The following DOCK2 variants were observed in gnomAD, a reference collection of about 807,000 sequenced individuals.
DOCK2 encodes dedicator of cytokinesis protein 2.
A neutral mutation model predicts 248.9 loss-of-function variants in DOCK2; 87 were observed. That is an observed-to-expected ratio of 0.35 (90% CI 0.29 to 0.42). The LOEUF is 0.42. Ranked by LOEUF, DOCK2 falls within the 10% of genes least tolerant of loss-of-function variation. The pLI is 1.00. For missense variants in DOCK2, 1,747 were observed against 2,300.2 expected, an observed-to-expected ratio of 0.76 and a Z score of 4.92; for synonymous variants, 805 against 821.6, an observed-to-expected ratio of 0.98 and a Z score of 0.35.
At chr5:169,957,868 T>C (rs1013164022) in intron 27 of DOCK2, among the ~76,000 whole-genome samples, 1 of 152,182 alleles carries the variant, frequency 6.6e-6, no homozygotes, top group African/African-American at 2.4e-5. Flanking sequence ...GCATTTATTA[T>C]TTCCTTAAAC....
intron 27 of DOCK2, among the ~76,000 whole-genome samples, chr5:169,952,682 C>T (rs1272184025): frequency 2.6e-5 from 4 of 152,114 alleles, no homozygotes; most frequent in African/African-American, 9.7e-5. Context: ...TTCCTAATCC[C>T]GTGGATATCA....
chr5:169,847,740 T>TAGA (rs1262016013), intron 27 of DOCK2, among the ~76,000 whole-genome samples: 2 of 152,200 alleles, frequency 1.3e-5, no homozygotes, highest in African/African-American at 2.4e-5. Context: ...TGGCTGCCTG[T>TAGA]AGAACTGTGT....
intron 25 of DOCK2, among the ~76,000 whole-genome samples, chr5:169,792,449 A>ATGTGTGTGTG (rs1026665601): frequency 1.8e-4 from 19 of 106,682 alleles, no homozygotes; most frequent in South Asian, 7.0e-4. Context: ...TATATTTTAT[A>ATGTGTGTGTG]TATGTGTGTG....
intron 27 of DOCK2, chr5:169,883,510 C>G: frequency 6.4e-7 from 1 of 1,551,588 alleles, no homozygotes; most frequent in African/African-American, 1.4e-5. Context: ...CTGGATGGCA[C>G]TTTGGGAGGC....
intron 27 of DOCK2, among the ~76,000 whole-genome samples, chr5:169,855,486 C>T (rs190895536): frequency 6.6e-6 from 1 of 152,152 alleles, no homozygotes; most frequent in Non-Finnish European, 1.5e-5. Flanking sequence ...TATAAGGAGA[C>T]TTATTTGTAG....
At chr5:169,813,453 C>T (rs1157979154) in intron 26 of DOCK2, among the ~76,000 whole-genome samples, 2 of 152,198 alleles carry the variant, frequency 1.3e-5, no homozygotes, top group East Asian at 1.9e-4. Context: ...TGCATATATC[C>T]AGGACTTTAT....
chr5:169,979,260 C>CT (rs1464747336), intron 27 of DOCK2, among the ~76,000 whole-genome samples: 1 of 152,164 alleles, frequency 6.6e-6, no homozygotes, highest in Non-Finnish European at 1.5e-5. Context: ...TTAGGGCTGT[C>CT]TAAGTTGCTA....
chr5:169,740,559 C>T (rs1286144697), intron 22 of DOCK2, among the ~76,000 whole-genome samples: 4 of 152,214 alleles, frequency 2.6e-5, no homozygotes, highest in Admixed American at 1.3e-4. Flanking sequence ...GAAATAATCT[C>T]GTCATTGACA....
chr5:169,735,942 G>A (rs548907448), intron 22 of DOCK2, among the ~76,000 whole-genome samples: 1 of 151,544 alleles, frequency 6.6e-6, no homozygotes, highest in South Asian at 2.1e-4. Context: ...GGCAGAGCAG[G>A]GGGGAGAGGG....
intron 11 of DOCK2, among the ~76,000 whole-genome samples, chr5:169,699,067 A>G (rs530852385): frequency 6.8e-6 from 1 of 147,486 alleles, no homozygotes; most frequent in East Asian, 2.0e-4. Context: ...AAGGCGTGTG[A>G]TAACGACTTA....
chr5:170,040,878 G>A, intron 36 of DOCK2, 177 bp from the exon 37 acceptor site: 1 of 542,182 alleles, frequency 1.8e-6, no homozygotes, highest in Non-Finnish European at 3.1e-6. Context: ...CATGCACTAA[G>A]TAACCAACAC....
rs1759825400 is a variant in DOCK2, at chr5:169,684,210, A to G, written c.621A>G (p.Pro207=). The change falls in exon 8 of 52, where the codon CCA becomes CCG. Residue 207 remains proline, a synonymous_variant. Transcript: ENST00000520908. ...CTGCCTTTCAGTCAAAAGACCAGCC[A>G]GATTATGCAATGTATTCCCGGATCT... ...RIKEEMSKDQ[P]DYAMYSRISS... The G allele has an allele frequency of 6.2e-7, 1 of 1,614,026 alleles. No homozygotes were observed. Among genetic ancestry groups the G allele is most frequent in the Non-Finnish European group, 8.5e-7 (1 of 1,179,946 alleles).
rs1234314606 is a variant in DOCK2 at position 169,708,191 on chromosome 5, G to A, written c.1406G>A (p.Gly469Glu). Residue 469 changes from glycine to glutamate, a missense_variant, in exon 15 of 52, where the codon GGG (glycine) becomes GAG (glutamate). By Grantham distance (98) the Gly-to-Glu change is moderately conservative. Coordinates refer to ENST00000520908, the MANE Select transcript of DOCK2 (RefSeq NM_004946.3). ...CAGAATGCAATTTGCGTGGGAGCAG[G>A]GGACAAGCCCATGAATGAGTATCGC... Reference protein sequence around the residue: ...TLPNAICVGAGDKPMNEYRSV... With the variant: ...TLPNAICVGAEDKPMNEYRSV... 2 of 1,613,832 alleles carry A rather than the reference G, an allele frequency of 1.2e-6. No individual in the cohort carries two copies. Among genetic ancestry groups the A allele is most frequent in the Admixed American group, 3.3e-5 (2 of 59,992 alleles).
chr5:170,071,896 A>G (rs915039416), intron 46 of DOCK2, among the ~76,000 whole-genome samples: 1 of 152,160 alleles, frequency 6.6e-6, no homozygotes, highest in Non-Finnish European at 1.5e-5. Context: ...ATTTTGCCCA[A>G]TGTTATGTTT....
Position 169,714,350 on chromosome 5 carries a change from T to G in DOCK2, c.1844-10T>G, listed in dbSNP as rs1213292764. Reference sequence around the variant, plus strand: ...TAATGATACTTCTGAATGTCTGGACTCTATTTTAGTGGGCTTGCTGGGTTT... The same window carrying G: ...TAATGATACTTCTGAATGTCTGGACGCTATTTTAGTGGGCTTGCTGGGTTT... On this transcript the variant is annotated splice_polypyrimidine_tract_variant and intron_variant, in intron 18 of 51. Transcript: ENST00000520908. The G allele has an allele frequency of 6.2e-7, 1 of 1,614,054 alleles. No individual in the cohort carries two copies.
intron 37 of DOCK2, 74 bp from the exon 38 acceptor site, chr5:170,041,939 C>G (rs1282659448): frequency 6.4e-7 from 1 of 1,554,374 alleles, no homozygotes; most frequent in Non-Finnish European, 8.7e-7. Flanking sequence ...TGGTTCCTGC[C>G]TTTAATCCTA....
At chr5:169,809,269 G>C (rs764264094) in intron 26 of DOCK2, among the ~76,000 whole-genome samples, 2 of 152,186 alleles carry the variant, frequency 1.3e-5, no homozygotes, top group Non-Finnish European at 2.9e-5. Context: ...GGGATTACAG[G>C]CATGAGCCAC....
At chr5:169,759,520 A>G (rs983064509) in intron 23 of DOCK2, among the ~76,000 whole-genome samples, 185 bp from the exon 24 acceptor site, 1 of 152,222 alleles carries the variant, frequency 6.6e-6, no homozygotes, top group Non-Finnish European at 1.5e-5. Flanking sequence ...TTGTGACTTC[A>G]CTTTTGTATA....
chr5:169,934,044 T>G (rs1775877952), intron 27 of DOCK2, among the ~76,000 whole-genome samples: 1 of 152,224 alleles, frequency 6.6e-6, no homozygotes, highest in African/African-American at 2.4e-5. Context: ...AATCTTCCCT[T>G]GATCCATACT....
Sources: allele counts gnomAD v4.1 joint callset (sites outside exome capture counted in the v4.1 genomes callset), GRCh38; gene constraint gnomAD v4.1.1; transcripts MANE v1.5; gene names NCBI Gene and HGNC (gene_info 2026-07-23, HGNC 2026-07-21).